VPS13C: variants seen among roughly 807,000 people sequenced by gnomAD.
VPS13C encodes intermembrane lipid transfer protein VPS13C.
A neutral mutation model predicts 456.8 loss-of-function variants in VPS13C; 358 were observed. That is an observed-to-expected ratio of 0.78 (90% CI 0.72 to 0.86). The LOEUF is 0.86. Ranked by LOEUF, VPS13C falls within the 40% of genes least tolerant of loss-of-function variation. VPS13C has a pLI of 0.00. For missense variants in VPS13C, 4,818 were observed against 4,385.4 expected, an observed-to-expected ratio of 1.10 and a Z score of -2.79; for synonymous variants, 1,578 against 1,486.7, an observed-to-expected ratio of 1.06 and a Z score of -1.41.
In VPS13C at chr15:61,917,341, C is replaced by G. The variant is rs776720379; in HGVS notation, c.8055G>C (p.Glu2685Asp). The G allele has an allele frequency of 6.2e-7, 1 of 1,610,358 alleles. No homozygotes were observed. Among genetic ancestry groups the G allele is most frequent in the Non-Finnish European group, 8.5e-7 (1 of 1,177,164 alleles). Residue 2685 changes from glutamate to aspartate, a missense_variant and splice_region_variant, in exon 60 of 85, where the codon GAG becomes GAC. Transcript: ENST00000644861. ...ATCAAACAAAATGCAAGAGACATAC[C>G]TCAAGTAAATATCTTAGGGAATATG... ...LLPYSLRYLL[E>D]GTAETHELAE...
intron 1 of VPS13C, among the ~76,000 whole-genome samples, chr15:62,046,383 A>G (rs951377054): frequency 2.6e-5 from 4 of 152,228 alleles, no homozygotes; most frequent in South Asian, 2.1e-4. Context: ...GGGGGAAAAA[A>G]GTCCTTACGT....
chr15:62,020,437 C>G, intron 9 of VPS13C, 42 bp downstream of exon 9: 1 of 1,554,692 alleles, frequency 6.4e-7, no homozygotes, highest in African/African-American at 1.4e-5. Flanking sequence ...CAGAATAATA[C>G]TTTACAGGTT....
chr15:62,028,469 C>T (rs751033064), intron 5 of VPS13C, 49 bp from the exon 6 acceptor site: 116 of 1,543,730 alleles, frequency 7.5e-5, no homozygotes, highest in Non-Finnish European at 9.7e-5. Context: ...AATTTAAAGA[C>T]ACCTTTAATT....
chr15:61,955,659 C>T (rs2044967191), intron 37 of VPS13C, among the ~76,000 whole-genome samples: 1 of 151,558 alleles, frequency 6.6e-6, no homozygotes, highest in Admixed American at 6.6e-5. Flanking sequence ...GAAACAATTC[C>T]CAGAATAGGC....
chr15:61,882,632 G>T lies in VPS13C; in HGVS notation c.9588C>A (p.His3196Gln), dbSNP rs765808124. The part of the protein sequence containing the change: ...GIQIEFKQSS[H>Q]QRSLRARLYW... ...ACAACCTGGCCCTTAAACTTCTCTGGTGAGAAGACTGCTTAAATTCAATCT... is the reference window on the plus strand; with the variant it reads ...ACAACCTGGCCCTTAAACTTCTCTGTTGAGAAGACTGCTTAAATTCAATCT... Residue 3196 changes from histidine (H) to glutamine (Q), a missense_variant, in exon 69 of 85, where the codon CAC (histidine) becomes CAA (glutamine). By Grantham distance (24) the His-to-Gln change is conservative (BLOSUM62 0). Coordinates refer to ENST00000644861, the MANE Select transcript of VPS13C (RefSeq NM_020821.3). The T allele has an allele frequency of 1.3e-6, 2 of 1,599,404 alleles. No homozygotes were observed. The highest frequency in any genetic ancestry group is 1.7e-6 in the Non-Finnish European group (2 of 1,173,300).
intron 15 of VPS13C, among the ~76,000 whole-genome samples, chr15:62,004,320 AGTATTCTCTGAT>A (rs2140476552): frequency 6.6e-6 from 1 of 152,086 alleles, no homozygotes; most frequent in East Asian, 1.9e-4. Flanking sequence ...AGGTGTTTGT[AGTATTCTCTGAT>A]GGTAGTTTGT....
Position 61,929,708 on chromosome 15 carries a change from T to C in VPS13C, c.6079A>G (p.Met2027Val), listed in dbSNP as rs780548883. The change falls in exon 51 of 85, where the codon ATG becomes GTG. Residue 2027 changes from methionine to valine, a missense_variant. By Grantham distance (21) the Met-to-Val change is conservative. This residue lies in a region of VPS13C where 4,552 missense variants were observed against 4,130.6 expected (regional missense o/e 1.10). Transcript: ENST00000644861. Reference protein sequence around the residue: ...RKNDQDNNSSMIDISYKQDKN... With the variant: ...RKNDQDNNSSVIDISYKQDKN... ...TCTTGTTTGTAACTTATATCAATCA[T>C]AGAACTGTTGTTATCTTGGTCATTC... 1.5e-5 allele frequency: 25 copies of C among 1,613,502 alleles called. No individual in the cohort carries two copies. Among genetic ancestry groups the C allele is most frequent in the Admixed American group, 1.2e-4 (7 of 59,976 alleles).
intron 47 of VPS13C, among the ~76,000 whole-genome samples, chr15:61,938,272 G>C (rs74973673): frequency 2.0e-5 from 3 of 148,462 alleles, no homozygotes; most frequent in Non-Finnish European, 4.4e-5. Context: ...GCTGTGGGGT[G>C]GGGGGGGAAC....
intron 15 of VPS13C, among the ~76,000 whole-genome samples, chr15:62,002,702 TG>T (rs936576236): frequency 6.0e-5 from 9 of 150,948 alleles, no homozygotes; most frequent in East Asian, 3.9e-4. Flanking sequence ...TTGTATAAGG[TG>T]TAAGGAAGGG....
chr15:61,905,189 G>C (rs2043120010), intron 66 of VPS13C, among the ~76,000 whole-genome samples: 4 of 152,140 alleles, frequency 2.6e-5, no homozygotes, highest in African/African-American at 9.6e-5. Flanking sequence ...ACTCCAACTT[G>C]ATTATTGCAC....
intron 12 of VPS13C, among the ~76,000 whole-genome samples, chr15:62,011,311 C>T (rs191027026): frequency 2.6e-5 from 4 of 152,038 alleles, no homozygotes; most frequent in African/African-American, 9.6e-5. Flanking sequence ...TGGAAAATGC[C>T]TAAGAATGAA....
Position 61,909,021 on chromosome 15 carries a change from T to C in VPS13C, c.8949A>G (p.Thr2983=), listed in dbSNP as rs779229928. The change falls in exon 65 of 85, where the codon ACA becomes ACG. Residue 2983 remains threonine (T), a synonymous_variant. Coordinates refer to ENST00000644861, the MANE Select transcript of VPS13C (RefSeq NM_020821.3). The part of the protein sequence containing the change: ...GSAPALIMNH[T]PWDILTYKQS... ...GTTTGTATGTGAGGATGTCCCATGG[T>C]GTATGGTTCATTATCAAGGCAGGTG... 6 of 1,613,982 alleles carry C rather than the reference T, an allele frequency of 3.7e-6. No homozygotes were observed. Among genetic ancestry groups the C allele is most frequent in the African/African-American group, 2.7e-5 (2 of 74,994 alleles).
At chr15:62,040,827 T>C (rs1404369674) in intron 3 of VPS13C, among the ~76,000 whole-genome samples, 3 of 152,166 alleles carry the variant, frequency 2.0e-5, no homozygotes, top group Non-Finnish European at 2.9e-5. Flanking sequence ...AGATATATAT[T>C]TACTTATAGA....
chr15:61,869,823 C>T (rs566140627), intron 79 of VPS13C, among the ~76,000 whole-genome samples, 200 bp from the exon 80 acceptor site: 256 of 152,184 alleles, frequency 1.7e-3, no homozygotes, highest in Non-Finnish European at 2.5e-3. Context: ...ATTCCTGGGC[C>T]CCACCCCAGA....
intron 66 of VPS13C, 165 bp downstream of exon 66, chr15:61,907,099 G>T: frequency 1.2e-6 from 1 of 867,674 alleles, no homozygotes; most frequent in South Asian, 1.5e-5. Flanking sequence ...GTAATATACT[G>T]GTTTGAACTA....
chr15:62,037,280 T>C (rs866240961), intron 3 of VPS13C, among the ~76,000 whole-genome samples: 1 of 33,684 alleles, frequency 3.0e-5, no homozygotes, highest in East Asian at 8.6e-4. Flanking sequence ...TATAATATAT[T>C]ATATATATTA....
At chr15:61,898,567 T>A (rs1006145628) in intron 66 of VPS13C, among the ~76,000 whole-genome samples, 9 of 152,096 alleles carry the variant, frequency 5.9e-5, no homozygotes, top group South Asian at 4.2e-4. Context: ...CCTAAATATA[T>A]ATGCACCCAA....
At chr15:61,861,452 C>T (rs1403079254) in intron 82 of VPS13C, among the ~76,000 whole-genome samples, 1 of 152,146 alleles carries the variant, frequency 6.6e-6, no homozygotes, top group Non-Finnish European at 1.5e-5. Context: ...CAGTATGGCC[C>T]TTAAAGTCTA....
chr15:62,016,286 T>C (rs1005492457), intron 9 of VPS13C, among the ~76,000 whole-genome samples: 5 of 151,514 alleles, frequency 3.3e-5, no homozygotes, highest in African/African-American at 1.2e-4. Context: ...TATATTTTTA[T>C]TATACTTTAA....
Sources: allele counts gnomAD v4.1 joint callset (sites outside exome capture counted in the v4.1 genomes callset), GRCh38; gene constraint gnomAD v4.1.1; regional missense constraint gnomAD v4.1.1; transcripts MANE v1.5; gene names NCBI Gene and HGNC (gene_info 2026-07-23, HGNC 2026-07-21).